The following GPATCH2 variants were observed in gnomAD, a reference collection of about 807,000 sequenced individuals.
GPATCH2 encodes G patch domain-containing protein 2.
A neutral mutation model predicts 58.0 loss-of-function variants in GPATCH2; 51 were observed. The observed-to-expected ratio is 0.88, with a 90% confidence interval of 0.70 to 1.11. The LOEUF is 1.11. Ranked by LOEUF, GPATCH2 falls within the 50% of genes most tolerant of loss-of-function variation. GPATCH2 has a pLI of 0.00. For synonymous variants in GPATCH2, 222 were observed against 218.5 expected (o/e 1.02, Z -0.14); for missense variants, 625 against 652.2 (o/e 0.96, Z 0.45).
At position 217,630,937 on chromosome 1, in the gene GPATCH2, G is replaced by T; in HGVS notation, c.35C>A (p.Ala12Asp). ...FGAAGRQPIG[A>D]PAAGNSWHFS... ...TCACCAGCTGTTCCCGGCTGCTGGA[G>T]CTCCGATCGGTTGGCGCCCGGCGGC... Residue 12 changes from alanine (A) to aspartate (D), a missense_variant, in exon 1 of 10, where the codon GCT becomes GAT. Physicochemically the swap from Ala to Asp is moderately radical, Grantham distance 126. Transcript: ENST00000366935. The T allele has an allele frequency of 6.3e-7, 1 of 1,590,212 alleles. No homozygotes were observed. The highest frequency in any genetic ancestry group is 1.7e-5 in the Admixed American group (1 of 58,938).
At chr1:217,483,529 G>A (rs753643404) in intron 8 of GPATCH2, among the ~76,000 whole-genome samples, 5 of 152,262 alleles carry the variant, frequency 3.3e-5, no homozygotes, top group Admixed American at 2.0e-4. Context: ...CTATCACCCA[G>A]GCTGGAGTGC....
intron 5 of GPATCH2, among the ~76,000 whole-genome samples, chr1:217,543,426 C>T (rs1277558642): frequency 1.3e-5 from 2 of 151,968 alleles, no homozygotes; most frequent in Admixed American, 6.5e-5. Flanking sequence ...CCCACCACCT[C>T]GCCCAGCTAA....
intron 5 of GPATCH2, among the ~76,000 whole-genome samples, chr1:217,591,166 A>C (rs1667572034): frequency 6.6e-6 from 1 of 152,176 alleles, no homozygotes; most frequent in Middle Eastern, 3.2e-3. Flanking sequence ...TAGCTAGGCT[A>C]TGTCAACAGC....
rs1658460479 is a variant in GPATCH2 at position 217,429,986 on chromosome 1, TG to T, written c.*1158del. 6.6e-6 allele frequency: 1 copy of T among 152,090 alleles called. No homozygotes were observed. The highest frequency in any genetic ancestry group is 1.5e-5 in the Non-Finnish European group (1 of 68,006). The allele number at this position is 152,090 out of a possible 1,614,324, so 9.4% of individuals were successfully genotyped here. Reference sequence around the variant, plus strand: ...GATAATAATCATCATCATAATAAGTTGTTAATAATGAAGATAATAAATAAAG... The same window carrying T: ...GATAATAATCATCATCATAATAAGTTTTAATAATGAAGATAATAAATAAAG... On this transcript the variant is annotated 3_prime_UTR_variant, in exon 10 of 10. Coordinates refer to ENST00000366935, the MANE Select transcript of GPATCH2 (RefSeq NM_018040.5).
intron 5 of GPATCH2, among the ~76,000 whole-genome samples, chr1:217,540,718 G>GA (rs906743884): frequency 6.6e-6 from 1 of 152,036 alleles, no homozygotes; most frequent in Non-Finnish European, 1.5e-5. Flanking sequence ...TTATAAACAT[G>GA]AAAAAAACAT....
At chr1:217,531,841 G>A (rs1664204600) in intron 5 of GPATCH2, among the ~76,000 whole-genome samples, 1 of 152,186 alleles carries the variant, frequency 6.6e-6, no homozygotes, top group South Asian at 2.1e-4. Context: ...AACATGGCAG[G>A]ATATATCATA....
At chr1:217,470,873 T>C (rs1177382144) in intron 8 of GPATCH2, among the ~76,000 whole-genome samples, 1 of 152,070 alleles carries the variant, frequency 6.6e-6, no homozygotes, top group Non-Finnish European at 1.5e-5. Flanking sequence ...ATATAGAAAG[T>C]ATACATTCTA....
chr1:217,435,147 A>G (rs1180415304), intron 9 of GPATCH2, among the ~76,000 whole-genome samples: 1 of 152,174 alleles, frequency 6.6e-6, no homozygotes, highest in Non-Finnish European at 1.5e-5. Flanking sequence ...ATACACCACA[A>G]CCATAATTTC....
chr1:217,567,862 A>AT (rs1362650009), intron 5 of GPATCH2, among the ~76,000 whole-genome samples: 2 of 152,224 alleles, frequency 1.3e-5, no homozygotes, highest in Non-Finnish European at 2.9e-5. Flanking sequence ...CACGCCTGTA[A>AT]TCCCAGCAAT....
At chr1:217,627,857 A>G (rs894959614) in intron 1 of GPATCH2, among the ~76,000 whole-genome samples, 1 of 152,080 alleles carries the variant, frequency 6.6e-6, no homozygotes, top group East Asian at 1.9e-4. Context: ...TTTTCCTTAC[A>G]TTCTAATTGC....
chr1:217,543,804 C>A (rs1472170846), intron 5 of GPATCH2, among the ~76,000 whole-genome samples: 1 of 152,024 alleles, frequency 6.6e-6, no homozygotes, highest in African/African-American at 2.4e-5. Context: ...AATGACCAGT[C>A]CAGCCCACAG....
intron 5 of GPATCH2, among the ~76,000 whole-genome samples, chr1:217,552,653 C>A (rs928615567): frequency 3.3e-5 from 5 of 152,122 alleles, no homozygotes; most frequent in Non-Finnish European, 2.9e-5. Flanking sequence ...TGCCTAAATT[C>A]CAATATGAAA....
intron 1 of GPATCH2, among the ~76,000 whole-genome samples, chr1:217,630,606 C>A (rs1415012735): frequency 2.6e-5 from 4 of 152,168 alleles, no homozygotes; most frequent in African/African-American, 9.7e-5. Context: ...AAGATAAATT[C>A]TTCCTGTCCC....
At chr1:217,609,883 TAAA>T in intron 5 of GPATCH2, 1 of 952,502 alleles carries the variant, frequency 1.0e-6, no homozygotes, top group Non-Finnish European at 1.3e-6. Context: ...GGATTCAATG[TAAA>T]AAAAAAACCA....
rs150360294 is a variant in GPATCH2, at chr1:217,430,845, G to A, written c.*300C>T. The A allele has an allele frequency of 1.9e-3, 779 of 399,812 alleles. 4 individuals carry two copies. Among genetic ancestry groups the A allele is most frequent in the African/African-American group, 0.014 (702 of 49,420 alleles). 24.8% of individuals were successfully genotyped at this position (399,812 alleles called of 1,614,324 possible). ...TGCACACATACATGAATTAAGCAAA[G>A]CATCGGAAAGTATTGACACATGAGA... On this transcript the variant is annotated 3_prime_UTR_variant, in exon 10 of 10. Coordinates refer to ENST00000366935, the MANE Select transcript of GPATCH2 (RefSeq NM_018040.5).
chr1:217,582,215 T>C (rs906670751), intron 5 of GPATCH2, among the ~76,000 whole-genome samples: 2 of 152,174 alleles, frequency 1.3e-5, no homozygotes, highest in African/African-American at 2.4e-5. Flanking sequence ...GCTGCATCTC[T>C]TATTTAACTG....
At chr1:217,437,055 TAG>T (rs1259746837) in intron 9 of GPATCH2, among the ~76,000 whole-genome samples, 3 of 151,956 alleles carry the variant, frequency 2.0e-5, no homozygotes, top group African/African-American at 7.3e-5. Flanking sequence ...TGGGACTGGT[TAG>T]ACAGTGGATG....
At position 217,551,636 on chromosome 1, in the gene GPATCH2, C is replaced by T. The variant is rs12408276; in HGVS notation, c.1099-36747G>A. Among the ~76,000 whole-genome samples, 1,196 of 152,248 alleles carry T rather than the reference C, an allele frequency of 7.9e-3. 17 individuals are homozygous for T. The highest frequency in any genetic ancestry group is 0.027 in the African/African-American group (1,120 of 41,556). On this transcript the variant is annotated intron_variant, in intron 5 of 9. Coordinates refer to ENST00000366935, the MANE Select transcript of GPATCH2 (RefSeq NM_018040.5). ...AATTTCAACCATGAACTGAGAAATA[C>T]GAACACAGATCTCACTCACTGTTGT... is the stretch of plus-strand genomic sequence containing the variant.
At position 217,627,454 on chromosome 1, in the gene GPATCH2, T is replaced by C. The variant is rs189932689; in HGVS notation, c.56+3462A>G. ...AAGACTCTATGGAGCTAAAAAAAAA[T>C]TTTAAATCCCAAATTAAAAAAAATT... On this transcript the variant is annotated intron_variant, in intron 1 of 9. Transcript: ENST00000366935. Among the ~76,000 whole-genome samples the C allele has an allele frequency of 1.4e-4, 21 of 152,028 alleles. 1 individual carries two copies. Among genetic ancestry groups the C allele is most frequent in the Non-Finnish European group, 2.5e-4 (17 of 67,912 alleles).
Sources: allele counts gnomAD v4.1 joint callset (sites outside exome capture counted in the v4.1 genomes callset), GRCh38; gene constraint gnomAD v4.1.1; transcripts MANE v1.5; gene names NCBI Gene and HGNC (gene_info 2026-07-23, HGNC 2026-07-21).